PLA2R1: variants seen among roughly 807,000 people sequenced by gnomAD.
PLA2R1 encodes phospholipase A2 receptor 1.
A neutral mutation model predicts 195.9 loss-of-function variants in PLA2R1; 158 were observed. The ratio of observed to expected loss-of-function variants is 0.81; its 90% CI spans 0.71 to 0.92. The LOEUF (loss-of-function observed/expected upper bound fraction) is 0.92. Among genes scored for constraint, PLA2R1 ranks in the 40% least tolerant of loss-of-function variants. PLA2R1 has a pLI of 0.00. For missense variants in PLA2R1, 1,626 were observed against 1,764.6 expected, an observed-to-expected ratio of 0.92 and a Z score of 1.41; for synonymous variants, 586 against 598.2, an observed-to-expected ratio of 0.98 and a Z score of 0.30.
At chr2:160,039,186 A>G (rs1270633067) in intron 3 of PLA2R1, among the ~76,000 whole-genome samples, 1 of 151,856 alleles carries the variant, frequency 6.6e-6, no homozygotes, top group Admixed American at 6.6e-5. Flanking sequence ...TTATTATATC[A>G]CTCGAGCAAC....
chr2:159,951,014 C>T (rs533455684), intron 24 of PLA2R1, among the ~76,000 whole-genome samples: 4 of 152,130 alleles, frequency 2.6e-5, no homozygotes, highest in African/African-American at 9.7e-5. Flanking sequence ...TTCCCAAATG[C>T]AGTGCTTGAG....
the PLA2R1 span, among the ~76,000 whole-genome samples, chr2:159,924,061 C>G: frequency 6.6e-6 from 1 of 152,026 alleles, no homozygotes; most frequent in African/African-American, 2.4e-5. Context: ...GAGGAGAACC[C>G]GTTTCTTCCT....
intron 17 of PLA2R1, among the ~76,000 whole-genome samples, chr2:159,975,379 C>A (rs1043745046): frequency 3.9e-5 from 6 of 152,076 alleles, no homozygotes; most frequent in African/African-American, 1.4e-4. Flanking sequence ...CTATTCTTTG[C>A]CAGTTTATTA....
At chr2:159,992,732 G>A (rs1208479176) in intron 11 of PLA2R1, among the ~76,000 whole-genome samples, 3 of 152,044 alleles carry the variant, frequency 2.0e-5, no homozygotes, top group Non-Finnish European at 4.4e-5. Context: ...AAAGAACAAA[G>A]CTGGAGGCAT....
chr2:159,929,258 C>T (rs558779192), downstream of PLA2R1, among the ~76,000 whole-genome samples: 1 of 152,100 alleles, frequency 6.6e-6, no homozygotes, highest in Non-Finnish European at 1.5e-5. Flanking sequence ...ATACATCTGA[C>T]AAAGGACTAA....
chr2:159,928,146 C>T (rs989129682), downstream of PLA2R1, among the ~76,000 whole-genome samples: 2 of 152,140 alleles, frequency 1.3e-5, no homozygotes, highest in African/African-American at 4.8e-5. Flanking sequence ...CAGGGGATGC[C>T]ATGCTTTGGC....
At chr2:160,016,833 C>T (rs754069132) in intron 8 of PLA2R1, 121 bp from the exon 9 acceptor site, 26 of 610,744 alleles carry the variant, frequency 4.3e-5, no homozygotes, top group African/African-American at 3.7e-4. Flanking sequence ...ATGTTTCAGG[C>T]GGCACTCTGC....
chr2:159,995,031 T>C (rs1452981530), intron 11 of PLA2R1, among the ~76,000 whole-genome samples: 1 of 152,028 alleles, frequency 6.6e-6, no homozygotes, highest in East Asian at 1.9e-4. Context: ...TCCTGTTCAG[T>C]GGTCAATTCA....
chr2:160,003,456 A>G lies in PLA2R1; in HGVS notation c.1834+2196T>C, dbSNP rs375143835. 6.6e-5 allele frequency among the ~76,000 whole-genome samples: 10 copies of G among 152,262 alleles called. 1 individual carries two copies. In the East Asian group the frequency reaches 1.3e-3, roughly 21 times the overall value. Reference sequence around the variant, plus strand: ...TTTCCACTAAGTAATGAGAAAATAGAAAGTGTCCAAAATAAAAATAGAAAG... The same window carrying G: ...TTTCCACTAAGTAATGAGAAAATAGGAAGTGTCCAAAATAAAAATAGAAAG... On this transcript the variant is annotated intron_variant, in intron 11 of 29. Transcript: ENST00000283243.
Position 159,967,758 on chromosome 2 carries a change from A to C in PLA2R1, c.2765-80T>G, listed in dbSNP as rs887388774. 4.2e-6 allele frequency: 5 copies of C among 1,177,814 alleles called. No homozygotes were observed. The African/African-American group carries it at 7.8e-5, about 18-fold the overall frequency. 73.0% of individuals were successfully genotyped at this position (1,177,814 alleles called of 1,614,324 possible). ...GCATTCTCTATTGATCACTATTTTTATGAGGCTATGGTTTTTCATAATTTA... is the reference window on the plus strand; with the variant it reads ...GCATTCTCTATTGATCACTATTTTTCTGAGGCTATGGTTTTTCATAATTTA... On this transcript the variant is annotated intron_variant, in intron 19 of 29. Transcript: ENST00000283243.
intron 1 of PLA2R1, among the ~76,000 whole-genome samples, chr2:160,052,519 T>C (rs1474670909): frequency 6.6e-6 from 1 of 152,274 alleles, no homozygotes; most frequent in Non-Finnish European, 1.5e-5. Flanking sequence ...GTTTTGCCTT[T>C]ATTTAACTGG....
chr2:159,963,240 C>A (rs1688569089), intron 20 of PLA2R1, among the ~76,000 whole-genome samples: 1 of 152,122 alleles, frequency 6.6e-6, no homozygotes, highest in Admixed American at 6.6e-5. Flanking sequence ...GGAGTGAATT[C>A]AAAATGTATC....
At chr2:159,982,676 T>C (rs1250470240) in intron 13 of PLA2R1, among the ~76,000 whole-genome samples, 2 of 152,200 alleles carry the variant, frequency 1.3e-5, no homozygotes, top group Admixed American at 6.6e-5. Context: ...ATGTGGAAGA[T>C]GAATAATCTG....
chr2:160,053,345 TG>T (rs1159611056), intron 1 of PLA2R1, among the ~76,000 whole-genome samples: 3 of 62,514 alleles, frequency 4.8e-5, no homozygotes, highest in Non-Finnish European at 1.1e-4. Flanking sequence ...TATACGAATT[TG>T]GTGGGGGGGG....
intron 20 of PLA2R1, among the ~76,000 whole-genome samples, chr2:159,961,789 G>A (rs1433875208): frequency 6.6e-6 from 1 of 152,182 alleles, no homozygotes; most frequent in African/African-American, 2.4e-5. Context: ...GAGGTGAACT[G>A]TGTGGGTAAA....
intron 1 of PLA2R1, among the ~76,000 whole-genome samples, chr2:160,060,569 T>G (rs138885245): frequency 6.6e-6 from 1 of 152,234 alleles, no homozygotes; most frequent in Non-Finnish European, 1.5e-5. Context: ...AGAATCTCTA[T>G]GCCAACTATG....
At chr2:160,016,490 G>A in intron 9 of PLA2R1, 124 bp downstream of exon 9, 1 of 656,016 alleles carries the variant, frequency 1.5e-6, no homozygotes, top group Non-Finnish European at 2.7e-6. Context: ...TGCGAGGAGA[G>A]AGAGAGAGAT....
chr2:160,026,932 G>A (rs973828140), intron 6 of PLA2R1, among the ~76,000 whole-genome samples: 5 of 152,166 alleles, frequency 3.3e-5, no homozygotes, highest in South Asian at 2.1e-4. Flanking sequence ...TCAGGAGTTC[G>A]AGACCAGCCT....
intron 2 of PLA2R1, among the ~76,000 whole-genome samples, chr2:160,043,171 T>C (rs1398482292): frequency 6.6e-6 from 1 of 152,084 alleles, no homozygotes; most frequent in Non-Finnish European, 1.5e-5. Flanking sequence ...GCCTCTACCC[T>C]GAGGGTGGGG....
Sources: gnomAD v4.1 joint callset for allele counts (sites outside exome capture counted in the v4.1 genomes callset) on GRCh38, gnomAD v4.1.1 for gene constraint, MANE v1.5 for transcripts, NCBI Gene and HGNC (gene_info 2026-07-23, HGNC 2026-07-21) for gene names.